The following STK24 variants were observed in gnomAD, a reference collection of about 807,000 sequenced individuals.
The protein encoded by STK24 is serine/threonine-protein kinase 24.
In STK24, 21 loss-of-function variants were observed where a neutral mutation model predicts 55.6. That is an observed-to-expected ratio of 0.38 (90% CI 0.27 to 0.54). The LOEUF is 0.54. Ranked by LOEUF, STK24 falls within the 20% of genes least tolerant of loss-of-function variation. The pLI is 0.79. For synonymous variants in STK24, 200 were observed against 215.2 expected, an observed-to-expected ratio of 0.93 and a Z score of 0.62; for missense variants, 383 against 538.4, an observed-to-expected ratio of 0.71 and a Z score of 2.86.
At chr13:98,475,459 TAA>T (rs1439837327) in intron 3 of STK24, 101 bp from the exon 4 acceptor site, 3 of 770,590 alleles carry the variant, frequency 3.9e-6, no homozygotes, top group Non-Finnish European at 6.1e-6. Context: ...CAAGGGTAAT[TAA>T]AACCTGAAAT....
chr13:98,457,465 CTT>C (rs11351684), intron 9 of STK24, among the ~76,000 whole-genome samples, 161 bp from the exon 10 acceptor site: 27,609 of 111,072 alleles, frequency 0.25, 2,360 homozygotes, highest in Non-Finnish European at 0.29. Flanking sequence ...CTTCAAATTG[CTT>C]TTTTTTTTTT....
At chr13:98,542,928 G>C in intron 1 of STK24, 1 of 985,398 alleles carries the variant, frequency 1.0e-6, no homozygotes, top group Non-Finnish European at 1.2e-6. Context: ...AGGAACGGGT[G>C]TATTTGTGGA....
chr13:98,469,093 T>C (rs35368417), intron 5 of STK24, among the ~76,000 whole-genome samples: 65,511 of 152,090 alleles, frequency 0.43, 14,266 homozygotes, highest in African/African-American at 0.46. Flanking sequence ...CAGGGACAGA[T>C]AATAAGCAGG....
At chr13:98,488,156 TGAA>T (rs1894875130) in intron 2 of STK24, among the ~76,000 whole-genome samples, 1 of 88,824 alleles carries the variant, frequency 1.1e-5, no homozygotes, top group South Asian at 3.5e-4. Context: ...TAAAAAGAGA[TGAA>T]GACACACACA....
In STK24 at chr13:98,457,231, G is replaced by A. The variant is rs141193021; in HGVS notation, c.1196C>T (p.Ala399Val). 6.8e-6 allele frequency: 11 copies of A among 1,613,234 alleles called. No individual in the cohort carries two copies. The highest frequency in any genetic ancestry group is 2.7e-5 in the African/African-American group (2 of 74,898). ...GGAGATGCCAGGGCACGCCTCCTCC[G>A]CTAGGTAGATGGCCCCTCGCAGCTC... ...IEELRGAIYLAEEACPGISDT... is the reference protein window; with the variant it reads ...IEELRGAIYLVEEACPGISDT... The change falls in exon 10 of 11, where the codon GCG (alanine) becomes GTG (valine). Residue 399 changes from alanine (A) to valine (V), a missense_variant. Physicochemically the swap from Ala to Val is moderately conservative, Grantham distance 64. Coordinates refer to ENST00000539966, the MANE Select transcript of STK24 (RefSeq NM_001032296.4).
At chr13:98,544,480 G>T (rs1226661850) in intron 1 of STK24, among the ~76,000 whole-genome samples, 3 of 152,238 alleles carry the variant, frequency 2.0e-5, no homozygotes, top group African/African-American at 7.2e-5. Context: ...AGCCCCCCTG[G>T]AGTATCTCAT....
chr13:98,480,037 T>G (rs1894526828), intron 3 of STK24, among the ~76,000 whole-genome samples: 1 of 152,032 alleles, frequency 6.6e-6, no homozygotes, highest in African/African-American at 2.4e-5. Context: ...CCCGTGAGGG[T>G]CTCCATTCCT....
intron 1 of STK24, among the ~76,000 whole-genome samples, chr13:98,573,659 T>C (rs1387525723): frequency 6.6e-6 from 1 of 152,210 alleles, no homozygotes; most frequent in Non-Finnish European, 1.5e-5. Flanking sequence ...AAAATCAGCC[T>C]CCTATTTCTA....
chr13:98,508,194 A>T (rs72655632), intron 2 of STK24, among the ~76,000 whole-genome samples: 1 of 152,192 alleles, frequency 6.6e-6, no homozygotes, highest in Non-Finnish European at 1.5e-5. Context: ...TTTGTAACCT[A>T]TGAGAAGCTG....
chr13:98,556,980 T>TA (rs2139444597), intron 1 of STK24, among the ~76,000 whole-genome samples: 1 of 152,324 alleles, frequency 6.6e-6, no homozygotes, highest in African/African-American at 2.4e-5. Flanking sequence ...GCTGACACAC[T>TA]GTTCCCACTG....
At chr13:98,514,149 T>C (rs1372094489) in intron 2 of STK24, among the ~76,000 whole-genome samples, 2 of 152,314 alleles carry the variant, frequency 1.3e-5, no homozygotes, top group South Asian at 2.1e-4. Context: ...TTATTTTCTA[T>C]TGTCCAAACT....
At chr13:98,543,458 G>C in intron 1 of STK24, among the ~76,000 whole-genome samples, 1 of 152,260 alleles carries the variant, frequency 6.6e-6, no homozygotes, top group Non-Finnish European at 1.5e-5. Flanking sequence ...CCTCAGTCCT[G>C]CTCTCAGAAC....
At chr13:98,468,341 A>G (rs1893996271) in intron 5 of STK24, among the ~76,000 whole-genome samples, 2 of 152,258 alleles carry the variant, frequency 1.3e-5, no homozygotes, top group African/African-American at 4.8e-5. Flanking sequence ...TTCCCTCTAC[A>G]ACTTGGACTC....
chr13:98,498,445 C>T (rs1344442652), intron 2 of STK24, among the ~76,000 whole-genome samples: 1 of 152,220 alleles, frequency 6.6e-6, no homozygotes, highest in African/African-American at 2.4e-5. Context: ...GCCAGGACCT[C>T]ATCCTGTGAT....
chr13:98,458,276 A>G (rs368931426), intron 9 of STK24, among the ~76,000 whole-genome samples: 5 of 152,334 alleles, frequency 3.3e-5, no homozygotes. Context: ...GTTCAAGTCA[A>G]GATACAGCAT....
Position 98,480,586 on chromosome 13 carries a change from C to G in STK24, c.330+1679G>C, listed in dbSNP as rs116422578. On this transcript the variant is annotated intron_variant, in intron 3 of 10. Transcript: ENST00000539966. Reference sequence around the variant, plus strand: ...CATATTAATTTTTCTTGAAATCTCCCTTTTTAATACCATTTTTATCAATTA... The same window carrying G: ...CATATTAATTTTTCTTGAAATCTCCGTTTTTAATACCATTTTTATCAATTA... 7.8e-3 allele frequency among the ~76,000 whole-genome samples: 1,191 copies of G among 152,216 alleles called. 16 individuals are homozygous for G. The highest frequency in any genetic ancestry group is 0.027 in the African/African-American group (1,117 of 41,526).
chr13:98,576,095 G>A (rs1897882916), intron 1 of STK24: 2 of 984,782 alleles, frequency 2.0e-6, no homozygotes, highest in African/African-American at 3.5e-5. Context: ...CTGGTGCGCG[G>A]CTGTCCGAGG....
chr13:98,461,066 G>GAGAC (rs1893686771), intron 8 of STK24, among the ~76,000 whole-genome samples: 8 of 151,266 alleles, frequency 5.3e-5, no homozygotes, highest in Non-Finnish European at 1.0e-4. Context: ...GAGAGAGAGA[G>GAGAC]AGAGAGAGAG....
intron 1 of STK24, among the ~76,000 whole-genome samples, chr13:98,558,481 C>A (rs1224880854): frequency 6.6e-6 from 1 of 152,168 alleles, no homozygotes; most frequent in Non-Finnish European, 1.5e-5. Context: ...CAGGGCACAG[C>A]CAGGCCTGGC....
Sources: allele counts gnomAD v4.1 joint callset (sites outside exome capture counted in the v4.1 genomes callset), GRCh38; gene constraint gnomAD v4.1.1; transcripts MANE v1.5; gene names NCBI Gene and HGNC (gene_info 2026-07-23, HGNC 2026-07-21).